Variants in KIZ observed in about 807,000 individuals in gnomAD.
The protein encoded by KIZ is centrosomal protein kizuna.
In KIZ, 68 loss-of-function variants were observed where a neutral mutation model predicts 79.6. The observed-to-expected ratio is 0.85, with a 90% CI of 0.70 to 1.05. KIZ has a LOEUF of 1.05. KIZ is among the 50% of genes least tolerant of loss of function. KIZ has a pLI of 0.00. For missense variants in KIZ, 797 were observed against 800.4 expected, an observed-to-expected ratio of 1.00 and a Z score of 0.05; for synonymous variants, 280 against 281.8, an observed-to-expected ratio of 0.99 and a Z score of 0.06.
chr20:21,212,033 G>A (rs2036089971), intron 7 of KIZ, among the ~76,000 whole-genome samples: 1 of 152,192 alleles, frequency 6.6e-6, no homozygotes, highest in Admixed American at 6.5e-5. Flanking sequence ...AGGTTACAAT[G>A]AGCCAAGATC....
chr20:21,190,014 T>C (rs891404794), intron 6 of KIZ, among the ~76,000 whole-genome samples: 16 of 152,372 alleles, frequency 1.1e-4, no homozygotes, highest in South Asian at 2.1e-4. Flanking sequence ...TAACTATGTA[T>C]GTGTTTGTCC....
intron 4 of KIZ, among the ~76,000 whole-genome samples, chr20:21,159,028 A>G (rs1283637820): frequency 6.9e-6 from 1 of 145,594 alleles, no homozygotes; most frequent in Admixed American, 6.9e-5. Flanking sequence ...ATTTTTTTTT[A>G]TGGAGTTTTG....
At position 21,150,174 on chromosome 20, in the gene KIZ, G is replaced by C. The variant is rs149784053; in HGVS notation, c.405+4520G>C. Among the ~76,000 whole-genome samples the C allele has an allele frequency of 2.8e-4, 43 of 152,346 alleles. 3 individuals carry two copies. The East Asian group carries it at 7.3e-3, about 26-fold the overall frequency. ...CACGCCTGGCTCCTCTTCTGGTGCT[G>C]CACAGCAGCTGAGAGAAACGCTTGG... On this transcript the variant is annotated intron_variant, in intron 4 of 12. Coordinates refer to ENST00000619189, the MANE Select transcript of KIZ (RefSeq NM_018474.6).
At chr20:21,181,465 T>A (rs1235657500) in intron 6 of KIZ, among the ~76,000 whole-genome samples, 1 of 151,872 alleles carries the variant, frequency 6.6e-6, no homozygotes, top group East Asian at 1.9e-4. Context: ...TATCCAAGTT[T>A]TTTTTTTTTT....
intron 2 of KIZ, among the ~76,000 whole-genome samples, chr20:21,133,546 C>G (rs566331776): frequency 2.6e-5 from 4 of 152,208 alleles, no homozygotes; most frequent in African/African-American, 9.7e-5. Flanking sequence ...TTTACCAAGC[C>G]GTCAGTTCAC....
chr20:21,159,277 A>G (rs1339525983), intron 4 of KIZ, among the ~76,000 whole-genome samples: 1 of 152,064 alleles, frequency 6.6e-6, no homozygotes, highest in Non-Finnish European at 1.5e-5. Context: ...TCTCAGCCTC[A>G]GGGCCGGGAA....
chr20:21,229,378 T>G (rs990920692), intron 10 of KIZ, among the ~76,000 whole-genome samples: 2 of 152,182 alleles, frequency 1.3e-5, no homozygotes, highest in East Asian at 3.9e-4. Context: ...TGATAGTGAC[T>G]TGTCACCAGT....
chr20:21,151,272 T>C (rs1337218203), intron 4 of KIZ: 1 of 152,162 alleles, frequency 6.6e-6, no homozygotes, highest in Non-Finnish European at 1.5e-5. Flanking sequence ...GGGCCTTTTT[T>C]AAAGGTATTA....
intron 6 of KIZ, among the ~76,000 whole-genome samples, chr20:21,191,847 G>GA (rs766655150): frequency 0.018 from 2,367 of 130,998 alleles, 47 homozygotes; most frequent in African/African-American, 0.056. Context: ...TTAAAAGAAA[G>GA]AAAAAAAAAA....
At chr20:21,173,594 AAAG>A (rs138696645) in intron 6 of KIZ, among the ~76,000 whole-genome samples, 60,138 of 118,766 alleles carry the variant, frequency 0.51, 15,584 homozygotes, top group South Asian at 0.72. Context: ...AAAAAAAAAA[AAAG>A]AAAGAACCAG....
At chr20:21,236,525 T>C (rs1011444704) in intron 11 of KIZ, among the ~76,000 whole-genome samples, 1 of 152,192 alleles carries the variant, frequency 6.6e-6, no homozygotes, top group Non-Finnish European at 1.5e-5. Context: ...ACTCCAGAAC[T>C]GGAAGGATAC....
In KIZ at chr20:21,131,226, G is replaced by A. The variant is rs181932770; in HGVS notation, c.90-871G>A. 1.1e-3 allele frequency among the ~76,000 whole-genome samples: 162 copies of A among 152,192 alleles called. 2 individuals are homozygous for A. Among genetic ancestry groups the A allele is most frequent in the Non-Finnish European group, 6.5e-4 (44 of 67,998 alleles). Reference sequence around the variant, plus strand: ...TTCCTCTGCTGCCCAGTTCCCCCTCGTCCTTGCCCAGGCTGGTTGTGGGGT... The same window carrying A: ...TTCCTCTGCTGCCCAGTTCCCCCTCATCCTTGCCCAGGCTGGTTGTGGGGT... On this transcript the variant is annotated intron_variant, in intron 1 of 12. Transcript: ENST00000619189.
At chr20:21,169,659 G>T (rs186151818) in intron 6 of KIZ, among the ~76,000 whole-genome samples, 13 of 152,272 alleles carry the variant, frequency 8.5e-5, no homozygotes, top group Admixed American at 8.5e-4. Flanking sequence ...ATTCATAACA[G>T]CAAAGACTTG....
intron 9 of KIZ, among the ~76,000 whole-genome samples, chr20:21,221,876 C>T (rs1401921770): frequency 6.6e-6 from 1 of 152,018 alleles, no homozygotes; most frequent in African/African-American, 2.4e-5. Context: ...TGGCATAACA[C>T]CACTAGTACT....
At chr20:21,138,142 T>A (rs983686656) in intron 3 of KIZ, among the ~76,000 whole-genome samples, 11 of 152,246 alleles carry the variant, frequency 7.2e-5, no homozygotes, top group African/African-American at 2.4e-4. Flanking sequence ...TTTTCCAGAC[T>A]AGGAGCCAAC....
At chr20:21,177,098 A>G (rs1454628649) in intron 6 of KIZ, among the ~76,000 whole-genome samples, 1 of 151,510 alleles carries the variant, frequency 6.6e-6, no homozygotes, top group Non-Finnish European at 1.5e-5. Flanking sequence ...CCTTATTTCA[A>G]TTATTTTGGA....
intron 4 of KIZ, 37 bp downstream of exon 4, chr20:21,145,691 G>A (rs1878842203): frequency 1.2e-6 from 1 of 865,734 alleles, no homozygotes; most frequent in Non-Finnish European, 1.8e-6. Context: ...TGTTAACAGA[G>A]GAATTCTGGA....
At chr20:21,171,867 C>T (rs936420572) in intron 6 of KIZ, among the ~76,000 whole-genome samples, 2 of 152,214 alleles carry the variant, frequency 1.3e-5, no homozygotes, top group African/African-American at 4.8e-5. Context: ...TCATTCTAGG[C>T]AGCTGTGCTG....
At chr20:21,146,347 G>GCA (rs2032846329) in intron 4 of KIZ, among the ~76,000 whole-genome samples, 1 of 152,184 alleles carries the variant, frequency 6.6e-6, no homozygotes, top group Non-Finnish European at 1.5e-5. Flanking sequence ...AAAAATGGTA[G>GCA]CATCACTCCA....
Sources: allele counts gnomAD v4.1 joint callset (sites outside exome capture counted in the v4.1 genomes callset), GRCh38; gene constraint gnomAD v4.1.1; transcripts MANE v1.5; gene names NCBI Gene and HGNC (gene_info 2026-07-23, HGNC 2026-07-21).